Variants in DNAH6 observed in about 807,000 individuals in gnomAD.
DNAH6 encodes the protein dynein axonemal heavy chain 6.
In DNAH6, 340 loss-of-function variants were observed where a neutral mutation model predicts 491.4. The ratio of observed to expected loss-of-function variants is 0.69; its 90% CI spans 0.63 to 0.76. The LOEUF (loss-of-function observed/expected upper bound fraction) is 0.76. DNAH6 is among the 30% of genes least tolerant of loss of function. DNAH6 has a pLI of 0.00. For missense variants in DNAH6, 4,443 were observed against 4,972.2 expected (o/e 0.89, Z 3.20); for synonymous variants, 1,603 against 1,686.1 (o/e 0.95, Z 1.21).
At chr2:84,540,598 G>A (rs999221278) in intron 4 of DNAH6, among the ~76,000 whole-genome samples, 3 of 152,032 alleles carry the variant, frequency 2.0e-5, no homozygotes, top group Non-Finnish European at 1.5e-5. Flanking sequence ...CCCAAAGTAG[G>A]TTCACTTTGA....
chr2:84,811,300 G>T (rs889266054), intron 72 of DNAH6, among the ~76,000 whole-genome samples: 1 of 152,158 alleles, frequency 6.6e-6, no homozygotes, highest in African/African-American at 2.4e-5. Flanking sequence ...TGCCTCTAAC[G>T]TCTTCCTATT....
At chr2:84,459,638 G>C in the DNAH6 span, 1 of 234,294 alleles carries the variant, frequency 4.3e-6, no homozygotes, top group South Asian at 5.5e-5. Context: ...GGGAGACAAG[G>C]GACTTGAAGA....
At chr2:84,567,828 A>T (rs1384854293) in intron 11 of DNAH6, among the ~76,000 whole-genome samples, 1 of 152,202 alleles carries the variant, frequency 6.6e-6, no homozygotes, top group African/African-American at 2.4e-5. Flanking sequence ...GCTTCTGCAC[A>T]ACAAAAGAAA....
At chr2:84,509,934 T>G in the DNAH6 span, among the ~76,000 whole-genome samples, 1 of 152,252 alleles carries the variant, frequency 6.6e-6, no homozygotes, top group African/African-American at 2.4e-5. Context: ...GAGTTTCTGC[T>G]GAGAGATTAG....
chr2:84,813,343 G>T (rs908490517), intron 74 of DNAH6, among the ~76,000 whole-genome samples: 3 of 152,182 alleles, frequency 2.0e-5, no homozygotes, highest in African/African-American at 7.2e-5. Flanking sequence ...CCTAATCCCT[G>T]CCCCTCTCAG....
chr2:84,544,232 G>T lies in DNAH6; in HGVS notation c.663-1G>T. The T allele has an allele frequency of 7.2e-7, 1 of 1,394,074 alleles. No homozygotes were observed. Among genetic ancestry groups the T allele is most frequent in the Non-Finnish European group, 9.7e-7 (1 of 1,029,452 alleles). The allele number at this position is 1,394,074 out of a possible 1,614,324, so 86.4% of individuals were successfully genotyped here. A position where few individuals can be genotyped will look rare whatever the true frequency, so the allele number is the denominator to read the frequency against. The stretch of plus-strand genomic sequence containing the variant: ...TAGTCCCAATTTTTATTTGTTTATA[G>T]AGTTGTAAGTTATGAGAACATCAAT... On this transcript the variant is annotated splice_acceptor_variant, in intron 4 of 76. Coordinates refer to ENST00000389394, the MANE Select transcript of DNAH6 (RefSeq NM_001370.2). LOFTEE classifies it high-confidence loss of function.
intron 30 of DNAH6, among the ~76,000 whole-genome samples, chr2:84,636,399 C>T (rs1055454539): frequency 6.6e-6 from 1 of 152,212 alleles, no homozygotes; most frequent in African/African-American, 2.4e-5. Context: ...AGGTTGTCTA[C>T]TACCCCCATG....
chr2:84,640,588 C>G lies in DNAH6; in HGVS notation c.4970+10C>G. On this transcript the variant is annotated intron_variant, in intron 32 of 76. Coordinates refer to ENST00000389394, the MANE Select transcript of DNAH6 (RefSeq NM_001370.2). ...TCCTGGTCATGGCTGGGTAAGAAAC[C>G]AAAGTAGTCAAGAGTGAAATCCCAA... is the stretch of plus-strand genomic sequence containing the variant. 1.3e-6 allele frequency: 2 copies of G among 1,540,970 alleles called. No individual in the cohort carries two copies. Among genetic ancestry groups the G allele is most frequent in the Non-Finnish European group, 1.7e-6 (2 of 1,142,998 alleles).
At chr2:84,789,104 A>G (rs1188962176) in intron 68 of DNAH6, among the ~76,000 whole-genome samples, 4 of 152,352 alleles carry the variant, frequency 2.6e-5, no homozygotes, top group African/African-American at 9.6e-5. Context: ...ACAGTGCCCC[A>G]AACAAATCAG....
intron 59 of DNAH6, 123 bp from the exon 60 acceptor site, chr2:84,722,502 T>C: frequency 1.2e-6 from 1 of 800,554 alleles, no homozygotes; most frequent in Non-Finnish European, 1.9e-6. Context: ...TGGGGACCCC[T>C]TATTATAATC....
At position 84,718,370 on chromosome 2, in the gene DNAH6, C is replaced by G. The variant is rs997950778; in HGVS notation, c.9778C>G (p.Leu3260Val). The G allele has an allele frequency of 1.3e-6, 2 of 1,529,158 alleles. No homozygotes were observed. The highest frequency in any genetic ancestry group is 1.8e-6 in the Non-Finnish European group (2 of 1,140,400). The allele number at this position is 1,529,158 out of a possible 1,614,324, so 94.7% of individuals were successfully genotyped here. The change falls in exon 59 of 77, where the codon CTC becomes GTC. Residue 3260 changes from leucine (L) to valine (V), a missense_variant. Around this residue, in one of 3 missense-constraint regions of DNAH6, gnomAD observed 1,463 missense variants for 1,656.6 expected, o/e 0.88. Coordinates refer to ENST00000389394, the MANE Select transcript of DNAH6 (RefSeq NM_001370.2). ...ILDNEELIDTLQDSKITSGAI... is the reference protein window; with the variant it reads ...ILDNEELIDTVQDSKITSGAI... ...GGACAATGAAGAACTTATTGACACA[C>G]TCCAGGATTCAAAGGCAAGTAAAAT...
the DNAH6 span, among the ~76,000 whole-genome samples, chr2:84,479,264 C>T: frequency 6.6e-6 from 1 of 152,334 alleles, no homozygotes; most frequent in South Asian, 2.1e-4. Context: ...TCACTTTGGG[C>T]TGCAGTATTA....
the DNAH6 span, among the ~76,000 whole-genome samples, chr2:84,510,283 C>A: frequency 6.6e-6 from 1 of 152,108 alleles, no homozygotes; most frequent in Non-Finnish European, 1.5e-5. Context: ...TCTTTTTATT[C>A]TTTTTTCTCT....
chr2:84,792,267 G>C (rs1449431370), intron 68 of DNAH6, among the ~76,000 whole-genome samples: 1 of 152,164 alleles, frequency 6.6e-6, no homozygotes, highest in Non-Finnish European at 1.5e-5. Flanking sequence ...TAAAGTTATA[G>C]TTATACAAGA....
At chr2:84,687,213 T>A (rs1694350876) in intron 44 of DNAH6, among the ~76,000 whole-genome samples, 1 of 152,236 alleles carries the variant, frequency 6.6e-6, no homozygotes, top group Non-Finnish European at 1.5e-5. Context: ...TTGACCTGCC[T>A]GGAATAAATC....
chr2:84,510,742 A>G, the DNAH6 span, among the ~76,000 whole-genome samples: 1 of 152,012 alleles, frequency 6.6e-6, no homozygotes, highest in Admixed American at 6.5e-5. Flanking sequence ...TGACATACAG[A>G]TGGGGTTTTG....
chr2:84,460,527 A>T, the DNAH6 span, among the ~76,000 whole-genome samples: 1 of 152,246 alleles, frequency 6.6e-6, no homozygotes, highest in Non-Finnish European at 1.5e-5. Context: ...TGATGACAAA[A>T]AATATAATTT....
intron 69 of DNAH6, 98 bp downstream of exon 69, chr2:84,796,523 C>T (rs1678363482): frequency 2.8e-6 from 3 of 1,082,364 alleles, no homozygotes; most frequent in African/African-American, 1.6e-5. Flanking sequence ...GTCAGGTCTC[C>T]ACAACGCTGT....
chr2:84,753,849 A>C (rs1358635474), intron 63 of DNAH6, among the ~76,000 whole-genome samples: 1 of 142,832 alleles, frequency 7.0e-6, no homozygotes, highest in Non-Finnish European at 1.5e-5. Context: ...TTTTTGAGAC[A>C]TAGTCTCACT....
Sources: allele counts gnomAD v4.1 joint callset (sites outside exome capture counted in the v4.1 genomes callset), GRCh38; gene constraint gnomAD v4.1.1; regional missense constraint gnomAD v4.1.1; transcripts MANE v1.5; gene names NCBI Gene and HGNC (gene_info 2026-07-23, HGNC 2026-07-21).